Variants in SLC17A6 observed in about 807,000 individuals in gnomAD.
SLC17A6 encodes vesicular glutamate transporter 2.
In SLC17A6, 35 loss-of-function variants were observed where a neutral mutation model predicts 67.1. The ratio of observed to expected loss-of-function variants is 0.52; its 90% confidence interval spans 0.40 to 0.69. The LOEUF (loss-of-function observed/expected upper bound fraction) is 0.69. Ranked by LOEUF, SLC17A6 falls within the 30% of genes least tolerant of loss-of-function variation. SLC17A6 has a pLI of 0.00. For missense variants in SLC17A6, 588 were observed against 723.9 expected (o/e 0.81, Z 2.15); for synonymous variants, 285 against 252.3 (o/e 1.13, Z -1.23).
chr11:22,377,347 G>T, intron 11 of SLC17A6, 58 bp from the exon 12 acceptor site: 4 of 1,447,454 alleles, frequency 2.8e-6, no homozygotes, highest in Non-Finnish European at 3.8e-6. Flanking sequence ...CAGAGAAGAT[G>T]TTAGGCGTTT....
intron 4 of SLC17A6, 51 bp from the exon 5 acceptor site, chr11:22,360,846 A>G (rs1856044454): frequency 3.3e-6 from 5 of 1,519,838 alleles, no homozygotes; most frequent in Non-Finnish European, 4.6e-6. Context: ...GATACTAAAA[A>G]GACTCTTGAT....
chr11:22,361,884 A>G, intron 5 of SLC17A6, among the ~76,000 whole-genome samples: 1 of 152,210 alleles, frequency 6.6e-6, no homozygotes, highest in East Asian at 1.9e-4. Flanking sequence ...TGCTAGTAAT[A>G]GGAAATTAAG....
intron 7 of SLC17A6, among the ~76,000 whole-genome samples, chr11:22,369,705 C>A (rs1489797921): frequency 6.6e-6 from 1 of 151,354 alleles, no homozygotes; most frequent in African/African-American, 2.4e-5. Flanking sequence ...GGTCTATCAC[C>A]ATTAAAAAAA....
intron 8 of SLC17A6, 33 bp from the exon 9 acceptor site, chr11:22,374,722 T>C (rs199884463): frequency 6.5e-7 from 1 of 1,544,982 alleles, no homozygotes; most frequent in East Asian, 2.3e-5. Context: ...TTTATGGTTA[T>C]GTCTATTTCT....
In SLC17A6 at chr11:22,341,796, C is replaced by T. The variant is rs1205746095; in HGVS notation, c.339+16C>T. ...CATCAAGGAGGTGGGCAACGTCTGG[C>T]CGCCCTGGCTCCTGCCCTTCGGCCA... is the stretch of plus-strand genomic sequence containing the variant. On this transcript the variant is annotated intron_variant, in intron 2 of 11. Coordinates refer to ENST00000263160, the MANE Select transcript of SLC17A6 (RefSeq NM_020346.3). 4 of 1,612,058 alleles carry T rather than the reference C, an allele frequency of 2.5e-6. No individual in the cohort carries two copies. Among genetic ancestry groups the T allele is most frequent in the East Asian group, 2.2e-5 (1 of 44,868 alleles).
In SLC17A6 at chr11:22,376,080, T is replaced by A; in HGVS notation, c.1273T>A (p.Phe425Ile). ...GGTACTTGCAGTGGGATTCAGTGGATTTGCTATATCTGGTAAGATATAATT... is the reference window on the plus strand; with the variant it reads ...GGTACTTGCAGTGGGATTCAGTGGAATTGCTATATCTGGTAAGATATAATT... ...FLVLAVGFSG[F>I]AISGFNVNHL... is the part of the protein sequence containing the mutation. Residue 425 changes from phenylalanine to isoleucine, a missense_variant, in exon 10 of 12, where the codon TTT becomes ATT. Around this residue, in one of 4 missense-constraint regions of SLC17A6, gnomAD observed 414 missense variants for 563.4 expected, o/e 0.73. Transcript: ENST00000263160. The A allele has an allele frequency of 6.2e-7, 1 of 1,610,490 alleles. No individual in the cohort carries two copies. The highest frequency in any genetic ancestry group is 8.5e-7 in the Non-Finnish European group (1 of 1,177,836).
intron 3 of SLC17A6, among the ~76,000 whole-genome samples, chr11:22,351,098 C>A (rs1314028042): frequency 6.6e-6 from 1 of 151,900 alleles, no homozygotes; most frequent in African/African-American, 2.4e-5. Context: ...ATTATAAAAT[C>A]ATCTTCATAA....
rs72636009 is a variant in SLC17A6 at position 22,341,854 on chromosome 11, G to C, written c.339+74G>C. On this transcript the variant is annotated intron_variant, in intron 2 of 11. Coordinates refer to ENST00000263160, the MANE Select transcript of SLC17A6 (RefSeq NM_020346.3). ...TCGCAAAACCACATCTCCTGTTTGA[G>C]CCCCGTTCCCCCGCCACTGAGAGGA... is the stretch of plus-strand genomic sequence containing the variant. The C allele has an allele frequency of 7.2e-6, 11 of 1,530,820 alleles. No individual in the cohort carries two copies. In the East Asian group the frequency reaches 1.2e-4, roughly 17 times the overall value. The allele number at this position is 1,530,820 out of a possible 1,614,324, so 94.8% of individuals were successfully genotyped here.
At chr11:22,348,377 G>C (rs574144895) in intron 3 of SLC17A6, among the ~76,000 whole-genome samples, 1 of 152,278 alleles carries the variant, frequency 6.6e-6, no homozygotes, top group South Asian at 2.1e-4. Flanking sequence ...ATTTTGGCAG[G>C]AGAATCATAC....
At chr11:22,366,205 A>T (rs972238109) in intron 7 of SLC17A6, among the ~76,000 whole-genome samples, 19 of 152,258 alleles carry the variant, frequency 1.2e-4, no homozygotes, top group Non-Finnish European at 2.2e-4. Context: ...GTGATTGACC[A>T]CAGTGACTAA....
chr11:22,363,912 T>A (rs191974946), intron 6 of SLC17A6, among the ~76,000 whole-genome samples: 1 of 152,162 alleles, frequency 6.6e-6, no homozygotes. Flanking sequence ...CAAGTTGGTA[T>A]GGCTATCCAA....
At position 22,374,853 on chromosome 11, in the gene SLC17A6, A is replaced by T; in HGVS notation, c.1140A>T (p.Ser380=). Residue 380 remains serine, a synonymous_variant, in exon 9 of 12, where the codon TCA becomes TCT. Transcript: ENST00000263160. ...TTCTAAGAAGCAAGCAGATTCTTTC[A>T]ACTACGACAGTGAGAAAGATCATGA... ...ADFLRSKQIL[S]TTTVRKIMNC... is the part of the protein sequence containing the mutation. The T allele has an allele frequency of 6.2e-7, 1 of 1,613,694 alleles. No homozygotes were observed. Among genetic ancestry groups the T allele is most frequent in the Non-Finnish European group, 8.5e-7 (1 of 1,179,870 alleles).
At chr11:22,376,765 T>G in intron 11 of SLC17A6, 93 bp downstream of exon 11, 5 of 1,377,908 alleles carry the variant, frequency 3.6e-6, no homozygotes, top group Non-Finnish European at 4.1e-6. Context: ...TCCTTAGCAT[T>G]TTCTTTCTTG....
At chr11:22,361,869 A>G (rs985881702) in intron 5 of SLC17A6, among the ~76,000 whole-genome samples, 2 of 152,226 alleles carry the variant, frequency 1.3e-5, no homozygotes, top group African/African-American at 4.8e-5. Flanking sequence ...AACTGCTGTA[A>G]ATAATGCTAG....
intron 6 of SLC17A6, among the ~76,000 whole-genome samples, chr11:22,365,101 T>C (rs1265976148): frequency 6.6e-6 from 1 of 152,164 alleles, no homozygotes; most frequent in Non-Finnish European, 1.5e-5. Flanking sequence ...GAGCAATTCT[T>C]TTCTCTGGAA....
Position 22,341,792 on chromosome 11 carries a change from C to G in SLC17A6, c.339+12C>G. On this transcript the variant is annotated intron_variant, in intron 2 of 11. Coordinates refer to ENST00000263160, the MANE Select transcript of SLC17A6 (RefSeq NM_020346.3). ...AGGTCATCAAGGAGGTGGGCAACGT[C>G]TGGCCGCCCTGGCTCCTGCCCTTCG... 1 of 1,612,440 alleles carries G rather than the reference C, an allele frequency of 6.2e-7. No homozygotes were observed. The highest frequency in any genetic ancestry group is 8.5e-7 in the Non-Finnish European group (1 of 1,178,932).
intron 3 of SLC17A6, among the ~76,000 whole-genome samples, chr11:22,348,575 G>C (rs1470933248): frequency 1.3e-5 from 2 of 152,144 alleles, no homozygotes; most frequent in Non-Finnish European, 1.5e-5. Context: ...GTCAGTTTGG[G>C]CTCTTAGAAC....
chr11:22,354,452 T>C (rs1005459721), intron 3 of SLC17A6, among the ~76,000 whole-genome samples: 8 of 152,214 alleles, frequency 5.3e-5, no homozygotes, highest in Non-Finnish European at 8.8e-5. Context: ...TTGAAACTTA[T>C]ACTTCGTTTA....
At chr11:22,375,091 G>A (rs1856217910) in intron 9 of SLC17A6, among the ~76,000 whole-genome samples, 2 of 151,942 alleles carry the variant, frequency 1.3e-5, no homozygotes, top group Admixed American at 6.6e-5. Context: ...TGCCATTTGT[G>A]GCCAGGCACG....
Sources: allele counts gnomAD v4.1 joint callset (sites outside exome capture counted in the v4.1 genomes callset), GRCh38; gene constraint gnomAD v4.1.1; regional missense constraint gnomAD v4.1.1; transcripts MANE v1.5; gene names NCBI Gene and HGNC (gene_info 2026-07-23, HGNC 2026-07-21).